ESRP1: variants seen among roughly 807,000 people sequenced by gnomAD.
The protein encoded by ESRP1 is epithelial splicing regulatory protein 1.
ESRP1 carries 33 observed loss-of-function variants against 81.7 expected under a neutral mutation model. That is an observed-to-expected ratio of 0.40 (90% CI 0.31 to 0.54). The LOEUF is 0.54. Among genes scored for constraint, ESRP1 ranks in the 20% least tolerant of loss-of-function variants. The pLI is 0.41. For synonymous variants in ESRP1, 320 were observed against 303.3 expected (o/e 1.06, Z -0.57); for missense variants, 672 against 833.1 (o/e 0.81, Z 2.38).
At chr8:94,642,780 T>C (rs893102564) in intron 2 of ESRP1, among the ~76,000 whole-genome samples, 2 of 152,170 alleles carry the variant, frequency 1.3e-5, no homozygotes, top group Non-Finnish European at 2.9e-5. Flanking sequence ...GCTAAACACC[T>C]GTGCACAGAT....
At chr8:94,643,236 G>A in intron 2 of ESRP1, 67 bp from the exon 3 acceptor site, 1 of 1,098,080 alleles carries the variant, frequency 9.1e-7, no homozygotes. Context: ...ATCACCAAGG[G>A]GAGCTACTTT....
intron 11 of ESRP1, 93 bp downstream of exon 11, chr8:94,671,764 A>T: frequency 2.6e-6 from 2 of 783,536 alleles, no homozygotes; most frequent in African/African-American, 1.8e-5. Flanking sequence ...TATTAGAAAT[A>T]TCTAATATTA....
chr8:94,682,441 A>G (rs745461108), intron 13 of ESRP1, among the ~76,000 whole-genome samples: 7 of 152,114 alleles, frequency 4.6e-5, no homozygotes, highest in Non-Finnish European at 1.0e-4. Flanking sequence ...ACCATGGCTC[A>G]CTGCAGCCTT....
intron 12 of ESRP1, among the ~76,000 whole-genome samples, chr8:94,675,637 G>A (rs1022284681): frequency 2.0e-5 from 3 of 152,134 alleles, no homozygotes; most frequent in African/African-American, 7.2e-5. Flanking sequence ...ATAAACCACT[G>A]GTAATGTCAG....
chr8:94,658,137 C>T (rs900332374), intron 4 of ESRP1, among the ~76,000 whole-genome samples: 1 of 152,210 alleles, frequency 6.6e-6, no homozygotes, highest in Non-Finnish European at 1.5e-5. Context: ...ATCTCGAACT[C>T]CTGACCTCCA....
chr8:94,692,394 T>C (rs1173628531), intron 13 of ESRP1, among the ~76,000 whole-genome samples: 1 of 151,888 alleles, frequency 6.6e-6, no homozygotes, highest in Admixed American at 6.6e-5. Flanking sequence ...TGCGGTGGAG[T>C]TGACATGAGG....
rs558305081 is a variant in ESRP1, at chr8:94,683,571, C to T, written c.1820+5200C>T. Among the ~76,000 whole-genome samples the T allele has an allele frequency of 3.3e-5, 5 of 152,014 alleles. No individual in the cohort carries two copies. In the East Asian group the frequency reaches 9.7e-4, roughly 29 times the overall value. On this transcript the variant is annotated intron_variant, in intron 13 of 15. Transcript: ENST00000433389. ...TGTTGTTGCAAGTGTTCTCATAGGACCAAGAAAAAAGAATTCTTGATTTAA... is the reference window on the plus strand; with the variant it reads ...TGTTGTTGCAAGTGTTCTCATAGGATCAAGAAAAAAGAATTCTTGATTTAA...
chr8:94,705,358 G>A (rs1486359280), intron 15 of ESRP1, among the ~76,000 whole-genome samples: 1 of 151,684 alleles, frequency 6.6e-6, no homozygotes, highest in South Asian at 2.1e-4. Context: ...AGTAGAGATG[G>A]GGTTTCACCA....
chr8:94,662,224 T>A, intron 4 of ESRP1, 48 bp from the exon 5 acceptor site: 1 of 1,191,002 alleles, frequency 8.4e-7, no homozygotes, highest in Non-Finnish European at 1.2e-6. Context: ...GATTTAGAAG[T>A]AACCTGATTT....
intron 14 of ESRP1, among the ~76,000 whole-genome samples, chr8:94,693,701 T>C (rs1021081922): frequency 9.9e-5 from 15 of 152,222 alleles, no homozygotes; most frequent in Middle Eastern, 3.2e-3. Flanking sequence ...CATTCTAAAA[T>C]AGCCCTTGAG....
chr8:94,650,882 T>G (rs554461037), intron 4 of ESRP1, among the ~76,000 whole-genome samples: 1 of 152,238 alleles, frequency 6.6e-6, no homozygotes, highest in East Asian at 1.9e-4. Context: ...ATTTTTTGTA[T>G]TTTTAGTAGA....
intron 6 of ESRP1, among the ~76,000 whole-genome samples, chr8:94,663,046 T>TA (rs1480099130): frequency 6.6e-6 from 1 of 152,204 alleles, no homozygotes; most frequent in African/African-American, 2.4e-5. Context: ...ATATTGGGAA[T>TA]AAAATGTAAT....
intron 15 of ESRP1, among the ~76,000 whole-genome samples, chr8:94,700,420 G>A (rs542558412): frequency 1.3e-5 from 2 of 152,316 alleles, no homozygotes; most frequent in African/African-American, 4.8e-5. Context: ...GCAGAGATGA[G>A]AGAGCTGTTG....
intron 4 of ESRP1, among the ~76,000 whole-genome samples, chr8:94,660,499 G>A (rs1818666219): frequency 6.6e-6 from 1 of 151,030 alleles, no homozygotes; most frequent in Non-Finnish European, 1.5e-5. Context: ...AGCACTTTAG[G>A]ATACTGAGGC....
chr8:94,641,562 C>A (rs1817589991), intron 1 of ESRP1, 112 bp downstream of exon 1: 2 of 1,459,030 alleles, frequency 1.4e-6, no homozygotes, highest in East Asian at 4.6e-5. Context: ...TGTTTGCCCA[C>A]TTGTGAGTCT....
Position 94,646,197 on chromosome 8 carries a change from C to T in ESRP1, c.405C>T (p.Ser135=). Residue 135 remains serine, a synonymous_variant, in exon 4 of 16, where the codon TCC becomes TCT. Transcript: ENST00000433389. ...KNVLLPECFY[S]FFDLRKEFKK... is the part of the protein sequence containing the mutation. The stretch of plus-strand genomic sequence containing the variant: ...TACTATTACCTGAATGCTTCTATTC[C>T]TTTTTTGATCTTCGAAAAGAATTCA... 2 of 1,611,532 alleles carry T rather than the reference C, an allele frequency of 1.2e-6. No homozygotes were observed. The highest frequency in any genetic ancestry group is 1.7e-6 in the Non-Finnish European group (2 of 1,178,306).
At chr8:94,679,315 T>C (rs1808772723) in intron 13 of ESRP1, among the ~76,000 whole-genome samples, 1 of 152,222 alleles carries the variant, frequency 6.6e-6, no homozygotes, top group African/African-American at 2.4e-5. Flanking sequence ...TCTGAAGGTT[T>C]GAAAAGGCTA....
chr8:94,667,842 C>T, intron 9 of ESRP1, 107 bp from the exon 10 acceptor site: 1 of 940,652 alleles, frequency 1.1e-6, no homozygotes, highest in Non-Finnish European at 1.6e-6. Flanking sequence ...GAGTATGGGT[C>T]TTCATTATGA....
Position 94,696,853 on chromosome 8 carries a change from A to G in ESRP1, c.1973A>G (p.Tyr658Cys). ...TGTTTGTTTTAACTTGCATTTTAGTATGCAACCGAGGATGGACTTATACAC... is the reference window on the plus strand; with the variant it reads ...TGTTTGTTTTAACTTGCATTTTAGTGTGCAACCGAGGATGGACTTATACAC... ...EILNFFQGYQ[Y>C]ATEDGLIHTN... is the part of the protein sequence containing the mutation. The change falls in exon 15 of 16, where the codon TAT (tyrosine) becomes TGT (cysteine). Residue 658 changes from tyrosine to cysteine, a missense_variant and splice_region_variant. Tyr to Cys is a radical substitution (Grantham distance 194, BLOSUM62 -2). Coordinates refer to ENST00000433389, the MANE Select transcript of ESRP1 (RefSeq NM_017697.4). 3 of 1,580,794 alleles carry G rather than the reference A, an allele frequency of 1.9e-6. No individual in the cohort carries two copies. Among genetic ancestry groups the G allele is most frequent in the Non-Finnish European group, 2.6e-6 (3 of 1,164,210 alleles).
Sources: allele counts gnomAD v4.1 joint callset (sites outside exome capture counted in the v4.1 genomes callset), GRCh38; gene constraint gnomAD v4.1.1; transcripts MANE v1.5; gene names NCBI Gene and HGNC (gene_info 2026-07-23, HGNC 2026-07-21).